AQP1: variants seen among roughly 807,000 people sequenced by gnomAD.
AQP1 encodes the protein aquaporin 1 (Colton blood group).
Under a neutral mutation model 19.7 loss-of-function variants are expected in AQP1, and 11 were observed. That is an observed-to-expected ratio of 0.56 (90% CI 0.35 to 0.92). AQP1 has a LOEUF of 0.92. Among genes scored for constraint, AQP1 ranks in the 40% least tolerant of loss-of-function variants. The probability of loss-of-function intolerance (pLI) is 0.01; values close to 1 mark genes in which losing one functional copy is unlikely to be tolerated. For synonymous variants in AQP1, 159 were observed against 166.7 expected (o/e 0.95, Z 0.36); for missense variants, 320 against 369.7 (o/e 0.87, Z 1.10).
At position 30,923,275 on chromosome 7, in the gene AQP1, T is replaced by C. The variant is rs1488241526; in HGVS notation, c.631-175T>C. Among the ~76,000 whole-genome samples, 2 of 152,232 alleles carry C rather than the reference T, an allele frequency of 1.3e-5. No individual in the cohort carries two copies. The highest frequency in any genetic ancestry group is 2.9e-5 in the Non-Finnish European group (2 of 68,038). Reference sequence around the variant, plus strand: ...GTTGACCCTACCACGTACTCTGGCCTGGGCCGGTTCTGAGGGGCACCGGAA... The same window carrying C: ...GTTGACCCTACCACGTACTCTGGCCCGGGCCGGTTCTGAGGGGCACCGGAA... On this transcript the variant is annotated intron_variant, in intron 3 of 3. Transcript: ENST00000311813. The surrounding 1 kb of genome is among the most constrained non-coding windows in gnomAD (Gnocchi z 4.8).
chr7:30,919,885 C>CTGGTGG (rs1422635158), intron 1 of AQP1, among the ~76,000 whole-genome samples: 10 of 152,052 alleles, frequency 6.6e-5, no homozygotes, highest in African/African-American at 2.4e-4. Context: ...GGGAGGCTTC[C>CTGGTGG]TGGTGGTAGT....
rs28362740 is a variant in AQP1 at position 30,923,991 on chromosome 7, G to A, written c.*362G>A. 656 of 1,374,428 alleles carry A rather than the reference G, an allele frequency of 4.8e-4. 3 individuals are homozygous for A. In the African/African-American group the frequency reaches 8.8e-3, roughly 18 times the overall value. The allele number at this position is 1,374,428 out of a possible 1,614,324, so 85.1% of individuals were successfully genotyped here. On this transcript the variant is annotated 3_prime_UTR_variant, in exon 4 of 4. Coordinates refer to ENST00000311813, the MANE Select transcript of AQP1 (RefSeq NM_198098.4). This position sits in a 1 kb window ranked among gnomAD's most constrained non-coding sequence, Gnocchi z 4.8. ...TGCTCACCGACTCACCTGCGCAAGT[G>A]CCTGGGATTCTACCGTAATTGCTTT...
chr7:30,916,206 A>T (rs1362556926), intron 1 of AQP1, among the ~76,000 whole-genome samples: 7 of 152,240 alleles, frequency 4.6e-5, no homozygotes, highest in African/African-American at 1.7e-4. Context: ...GCCTCCTGGG[A>T]TACCTGTCTG....
intron 1 of AQP1, among the ~76,000 whole-genome samples, chr7:30,917,726 AT>A (rs1195031785): frequency 6.6e-6 from 1 of 152,130 alleles, no homozygotes; most frequent in Non-Finnish European, 1.5e-5. Flanking sequence ...AAGAGTGTGC[AT>A]TCTCTAATTC....
At chr7:30,921,258 A>G in intron 1 of AQP1, 1 of 1,196,312 alleles carries the variant, frequency 8.4e-7, no homozygotes, top group Non-Finnish European at 1.0e-6. Flanking sequence ...TCATGACCTC[A>G]CAGCAGCTTC....
At chr7:30,919,017 T>C (rs1009601629) in intron 1 of AQP1, among the ~76,000 whole-genome samples, 8 of 152,140 alleles carry the variant, frequency 5.3e-5, no homozygotes, top group Non-Finnish European at 1.0e-4. Context: ...AGGCTAATGA[T>C]TGGCCCATTG....
Position 30,912,674 on chromosome 7 carries a change from CTT to C in AQP1, c.384+383_384+384del, listed in dbSNP as rs1264903530. 1.3e-5 allele frequency among the ~76,000 whole-genome samples: 2 copies of C among 152,206 alleles called. No individual in the cohort carries two copies. The highest frequency in any genetic ancestry group is 6.5e-5 in the Admixed American group (1 of 15,292). On this transcript the variant is annotated intron_variant, in intron 1 of 3. Coordinates refer to ENST00000311813, the MANE Select transcript of AQP1 (RefSeq NM_198098.4). This position sits in a 1 kb window ranked among gnomAD's most constrained non-coding sequence, Gnocchi z 4.3. ...CCTGCAGCCCTGCACCCTGGGGAAA[CTT>C]TGCCCGCTGTCCCCAGCCACCCTGA... is the stretch of plus-strand genomic sequence containing the variant.
Position 30,923,663 on chromosome 7 carries a change from A to G in AQP1, c.*34A>G, listed in dbSNP as rs1324851715. 7 of 975,846 alleles carry G rather than the reference A, an allele frequency of 7.2e-6. No homozygotes were observed. In the South Asian group the frequency reaches 8.1e-5, roughly 11 times the overall value. The allele number at this position is 975,846 out of a possible 1,614,324, so 60.4% of individuals were successfully genotyped here. ...TGGCCCGGGCATCCACGTAGGGGGC[A>G]GGGGCAGGGGCGGGCGGAGGGAGGG... On this transcript the variant is annotated 3_prime_UTR_variant, in exon 4 of 4. Transcript: ENST00000311813. This position sits in a 1 kb window ranked among gnomAD's most constrained non-coding sequence, Gnocchi z 4.8.
At position 30,923,779 on chromosome 7, in the gene AQP1, T is replaced by A; in HGVS notation, c.*150T>A. 6.6e-7 allele frequency: 1 copy of A among 1,511,742 alleles called. No individual in the cohort carries two copies. The highest frequency in any genetic ancestry group is 1.8e-4 in the Middle Eastern group (1 of 5,424). The allele number at this position is 1,511,742 out of a possible 1,614,324, so 93.6% of individuals were successfully genotyped here. ...CAGACCTGCATGGTCAAGCCTCTTA[T>A]GGGGGTGTTTCTATCTCTTTCTTTC... On this transcript the variant is annotated 3_prime_UTR_variant, in exon 4 of 4. Coordinates refer to ENST00000311813, the MANE Select transcript of AQP1 (RefSeq NM_198098.4). This position sits in a 1 kb window ranked among gnomAD's most constrained non-coding sequence, Gnocchi z 4.8.
In AQP1 at chr7:30,923,374, G is replaced by A. The variant is rs1021064241; in HGVS notation, c.631-76G>A. 4 of 1,606,406 alleles carry A rather than the reference G, an allele frequency of 2.5e-6. No individual in the cohort carries two copies. In the East Asian group the frequency reaches 8.9e-5, roughly 36 times the overall value. ...AAAAACCTGTCCAACGGGGTGGTGGGCTGTGGGGTAACCTAGGGAACGCTT... is the reference window on the plus strand; with the variant it reads ...AAAAACCTGTCCAACGGGGTGGTGGACTGTGGGGTAACCTAGGGAACGCTT... On this transcript the variant is annotated intron_variant, in intron 3 of 3. Transcript: ENST00000311813. This position sits in a 1 kb window ranked among gnomAD's most constrained non-coding sequence, Gnocchi z 4.8.
At chr7:30,921,849 C>A (rs1285886484) in intron 1 of AQP1, 1 of 1,544,418 alleles carries the variant, frequency 6.5e-7, no homozygotes, top group Middle Eastern at 1.7e-4. Flanking sequence ...GTATTAGGGG[C>A]TGGGCTGGAG....
At chr7:30,917,847 C>T (rs1208197719) in intron 1 of AQP1, among the ~76,000 whole-genome samples, 1 of 152,204 alleles carries the variant, frequency 6.6e-6, no homozygotes, top group Non-Finnish European at 1.5e-5. Context: ...TTATTCTGTA[C>T]ATTTCTAATA....
Position 30,923,643 on chromosome 7 carries a change from C to CG in AQP1, c.*17dup. On this transcript the variant is annotated 3_prime_UTR_variant, in exon 4 of 4. Transcript: ENST00000311813. The surrounding 1 kb of genome is among the most constrained non-coding windows in gnomAD (Gnocchi z 4.8). ...AAGCCCAAATAGAAGGGGTCTGGCC[C>CG]GGGCATCCACGTAGGGGGCAGGGGC... is the stretch of plus-strand genomic sequence containing the variant. 1 of 1,312,530 alleles carries CG rather than the reference C, an allele frequency of 7.6e-7. No homozygotes were observed. Among genetic ancestry groups the CG allele is most frequent in the East Asian group, 5.1e-5 (1 of 19,482 alleles). 81.3% of individuals were successfully genotyped at this position (1,312,530 alleles called of 1,614,324 possible). A position where few individuals can be genotyped will look rare whatever the true frequency, so the allele number is the denominator to read the frequency against.
Position 30,923,438 on chromosome 7 carries a change from C to T in AQP1, c.631-12C>T, listed in dbSNP as rs200924730. On this transcript the variant is annotated splice_polypyrimidine_tract_variant and intron_variant, in intron 3 of 3. Coordinates refer to ENST00000311813, the MANE Select transcript of AQP1 (RefSeq NM_198098.4). The surrounding 1 kb of genome is among the most constrained non-coding windows in gnomAD (Gnocchi z 4.8). ...GAGTGGAGCCCTCTGAACACACCTG[C>T]TCTGTTCCTAGATTTTCTGGGTGGG... 215 of 1,613,828 alleles carry T rather than the reference C, an allele frequency of 1.3e-4. No homozygotes were observed. The highest frequency in any genetic ancestry group is 9.9e-4 in the Middle Eastern group (6 of 6,058).
chr7:30,922,556 C>G lies in AQP1; in HGVS notation c.550-8C>G. ...CTTCGCCCCTCCCTCTGTTTCTTTCCCTCACAGATTGACTACACTGGCTGT... is the reference window on the plus strand; with the variant it reads ...CTTCGCCCCTCCCTCTGTTTCTTTCGCTCACAGATTGACTACACTGGCTGT... On this transcript the variant is annotated splice_polypyrimidine_tract_variant and splice_region_variant and intron_variant, in intron 2 of 3. Coordinates refer to ENST00000311813, the MANE Select transcript of AQP1 (RefSeq NM_198098.4). 4.3e-6 allele frequency: 7 copies of G among 1,613,354 alleles called. No homozygotes were observed. Among genetic ancestry groups the G allele is most frequent in the Non-Finnish European group, 5.9e-6 (7 of 1,179,256 alleles).
rs1403976478 is a variant in AQP1 at position 30,924,037 on chromosome 7, CCTT to C, written c.*412_*414del. ...GCTTTGTGCCTTTGGGCACGGCCCT[CCTT>C]CTTTTCCTAACATGCACCTTGCTCC... On this transcript the variant is annotated 3_prime_UTR_variant, in exon 4 of 4. Transcript: ENST00000311813. The C allele has an allele frequency of 3.9e-6, 5 of 1,291,972 alleles. No homozygotes were observed. In the Admixed American group the frequency reaches 9.1e-5, roughly 23 times the overall value. 80.0% of individuals were successfully genotyped at this position (1,291,972 alleles called of 1,614,324 possible). A position where few individuals can be genotyped will look rare whatever the true frequency, so the allele number is the denominator to read the frequency against.
In AQP1 at chr7:30,924,736, T is replaced by C. The variant is rs1237086321; in HGVS notation, c.*1107T>C. ...AGCCCATGGAGGCAGATGCCCTTGC[T>C]GGGCCTGGGGGTTTTCCAAGCCCTC... is the stretch of plus-strand genomic sequence containing the variant. On this transcript the variant is annotated 3_prime_UTR_variant, in exon 4 of 4. Coordinates refer to ENST00000311813, the MANE Select transcript of AQP1 (RefSeq NM_198098.4). 6.6e-6 allele frequency: 1 copy of C among 152,276 alleles called. No individual in the cohort carries two copies. The highest frequency in any genetic ancestry group is 6.5e-5 in the Admixed American group (1 of 15,288). 9.4% of individuals were successfully genotyped at this position (152,276 alleles called of 1,614,324 possible).
In AQP1 at chr7:30,911,974, C is replaced by T; in HGVS notation, c.65C>T (p.Thr22Ile). 1 of 1,613,602 alleles carries T rather than the reference C, an allele frequency of 6.2e-7. No individual in the cohort carries two copies. The highest frequency in any genetic ancestry group is 8.5e-7 in the Non-Finnish European group (1 of 1,180,042). Residue 22 changes from threonine to isoleucine, a missense_variant, in exon 1 of 4, where the codon ACC becomes ATC. Coordinates refer to ENST00000311813, the MANE Select transcript of AQP1 (RefSeq NM_198098.4). ...RAVVAEFLAT[T>I]LFVFISIGSA... is the part of the protein sequence containing the mutation. ...GTGGTGGCCGAGTTCCTGGCCACGA[C>T]CCTCTTTGTCTTCATCAGCATCGGT...
rs1203649534 is a variant in AQP1, at chr7:30,923,098, C to CT, written c.631-350dup. ...AGGAGGCGCTCAGTGGATTTTAGCT[C>CT]TTATGGTTGTGGATGTGGATGTGCT... On this transcript the variant is annotated intron_variant, in intron 3 of 3. Transcript: ENST00000311813. This position sits in a 1 kb window ranked among gnomAD's most constrained non-coding sequence, Gnocchi z 4.8. Among the ~76,000 whole-genome samples, 1 of 152,196 alleles carries CT rather than the reference C, an allele frequency of 6.6e-6. No individual in the cohort carries two copies. Among genetic ancestry groups the CT allele is most frequent in the African/African-American group, 2.4e-5 (1 of 41,462 alleles).
Sources: allele counts gnomAD v4.1 joint callset (sites outside exome capture counted in the v4.1 genomes callset), GRCh38; gene constraint gnomAD v4.1.1; non-coding constraint Gnocchi (gnomAD v3.1); transcripts MANE v1.5; gene names NCBI Gene and HGNC (gene_info 2026-07-23, HGNC 2026-07-21).